FAM219A: variants seen among roughly 807,000 people sequenced by gnomAD.
The protein encoded by FAM219A is family with sequence similarity 219 member A.
Under a neutral mutation model 23.4 loss-of-function variants are expected in FAM219A, and 7 were observed. That is an observed-to-expected ratio of 0.30 (90% CI 0.17 to 0.56). The LOEUF is 0.56. Ranked by LOEUF, FAM219A falls within the 20% of genes least tolerant of loss-of-function variation. The probability of loss-of-function intolerance (pLI) is 0.92; values close to 1 mark genes in which losing one functional copy is unlikely to be tolerated. For missense variants in FAM219A, 166 were observed against 246.9 expected (o/e 0.67, Z 2.20); for synonymous variants, 93 against 99.0 (o/e 0.94, Z 0.36).
chr9:34,411,920 T>C (rs1173045361), intron 1 of FAM219A, among the ~76,000 whole-genome samples: 1 of 152,262 alleles, frequency 6.6e-6, no homozygotes, highest in African/African-American at 2.4e-5. Flanking sequence ...AAAACTAGCA[T>C]AGTACATTCA....
chr9:34,455,940 C>A (rs891677432), intron 1 of FAM219A, among the ~76,000 whole-genome samples: 1 of 152,212 alleles, frequency 6.6e-6, no homozygotes, highest in Non-Finnish European at 1.5e-5. Flanking sequence ...CTCTTGTAAT[C>A]CTAGCATTTT....
intron 1 of FAM219A, among the ~76,000 whole-genome samples, chr9:34,443,243 G>A (rs1341205226): frequency 2.6e-5 from 4 of 152,088 alleles, no homozygotes; most frequent in South Asian, 2.1e-4. Context: ...TTCGGGAACC[G>A]AAACAGCAGT....
intron 1 of FAM219A, chr9:34,406,348 T>G (rs1235359002): frequency 2.0e-6 from 2 of 985,318 alleles, no homozygotes; most frequent in Middle Eastern, 5.2e-4. Flanking sequence ...CTTCCTAGGT[T>G]CCTGTGAGTT....
chr9:34,442,774 A>C (rs1258469953), intron 1 of FAM219A, among the ~76,000 whole-genome samples: 1 of 152,116 alleles, frequency 6.6e-6, no homozygotes, highest in Non-Finnish European at 1.5e-5. Flanking sequence ...TAAGATGTTA[A>C]GGAATTAAAG....
At position 34,400,395 on chromosome 9, in the gene FAM219A, AC is replaced by A. The variant is rs1193948183; in HGVS notation, c.*568del. On this transcript the variant is annotated 3_prime_UTR_variant, in exon 6 of 6. Transcript: ENST00000651358. ...AGTGATCCGATGGGTGAGGGGCACT[AC>A]CCGGTTGGGCAGCTTTGCCAGGCTT... 1 of 152,402 alleles carries A rather than the reference AC, an allele frequency of 6.6e-6. No individual in the cohort carries two copies. The highest frequency in any genetic ancestry group is 2.4e-5 in the African/African-American group (1 of 41,430). 9.4% of individuals were successfully genotyped at this position (152,402 alleles called of 1,614,324 possible). A position where few individuals can be genotyped will look rare whatever the true frequency, so the allele number is the denominator to read the frequency against.
intron 1 of FAM219A, among the ~76,000 whole-genome samples, chr9:34,409,051 G>A (rs1180370492): frequency 3.9e-5 from 6 of 152,224 alleles, no homozygotes; most frequent in Admixed American, 6.5e-5. Context: ...CTACTGGGCA[G>A]TTCCTGATGG....
chr9:34,446,210 G>T (rs1275296587), intron 1 of FAM219A, among the ~76,000 whole-genome samples: 1 of 150,490 alleles, frequency 6.6e-6, no homozygotes, highest in Admixed American at 6.6e-5. Flanking sequence ...GGGAATTAAA[G>T]ATAGGGATAA....
At chr9:34,433,865 C>T (rs986043589) in intron 1 of FAM219A, among the ~76,000 whole-genome samples, 22 of 152,086 alleles carry the variant, frequency 1.4e-4, no homozygotes, top group Admixed American at 2.6e-4. Flanking sequence ...AATAAGCCTC[C>T]GACTCTCCTC....
At chr9:34,445,195 T>C (rs986096051) in intron 1 of FAM219A, among the ~76,000 whole-genome samples, 1 of 152,140 alleles carries the variant, frequency 6.6e-6, no homozygotes, top group Non-Finnish European at 1.5e-5. Flanking sequence ...TACTCATCTT[T>C]AAAGGAGCCA....
chr9:34,451,548 GA>G (rs1554680859), intron 1 of FAM219A, among the ~76,000 whole-genome samples: 3 of 148,632 alleles, frequency 2.0e-5, no homozygotes, highest in Non-Finnish European at 4.5e-5. Flanking sequence ...TTCCAGACAC[GA>G]GGCTCCACCT....
intron 1 of FAM219A, among the ~76,000 whole-genome samples, chr9:34,434,201 CAAAAAAAAAAAA>C (rs56144317): frequency 8.9e-5 from 4 of 44,980 alleles, no homozygotes; most frequent in Admixed American, 2.7e-4. Flanking sequence ...GACTCCGTCT[CAAAAAAAAAAAA>C]AAAAAAAAAA....
intron 1 of FAM219A, among the ~76,000 whole-genome samples, chr9:34,441,838 T>TG (rs1823186198): frequency 6.6e-6 from 1 of 152,164 alleles, no homozygotes; most frequent in Non-Finnish European, 1.5e-5. Context: ...CAAGCAATCC[T>TG]CCTGCCTGCC....
Position 34,458,144 on chromosome 9 carries a change from T to G in FAM219A, c.60+60A>C. ...GCACGATCCCCCCGGCCTGATTCCC[T>G]CCCTCCCCCTCAAGCGACGCCCCCT... is the stretch of plus-strand genomic sequence containing the variant. On this transcript the variant is annotated intron_variant, in intron 1 of 5. Transcript: ENST00000651358. This position sits in a 1 kb window ranked among gnomAD's most constrained non-coding sequence, Gnocchi z 6.6. 77 of 1,272,110 alleles carry G rather than the reference T, an allele frequency of 6.1e-5. No individual in the cohort carries two copies. The highest frequency in any genetic ancestry group is 7.6e-5 in the Non-Finnish European group (71 of 932,404). 78.8% of individuals were successfully genotyped at this position (1,272,110 alleles called of 1,614,324 possible).
chr9:34,413,803 T>TC (rs1337525544), intron 1 of FAM219A, among the ~76,000 whole-genome samples: 1 of 152,074 alleles, frequency 6.6e-6, no homozygotes, highest in East Asian at 1.9e-4. Flanking sequence ...AAAGCAGAAA[T>TC]CAGGGCCAGG....
intron 1 of FAM219A, among the ~76,000 whole-genome samples, chr9:34,455,992 A>G (rs765256387): frequency 2.0e-5 from 3 of 152,200 alleles, no homozygotes; most frequent in Non-Finnish European, 4.4e-5. Flanking sequence ...CAGGCATTCA[A>G]GACCAGCCTG....
chr9:34,415,667 G>A (rs1821974658), intron 1 of FAM219A, among the ~76,000 whole-genome samples: 2 of 152,184 alleles, frequency 1.3e-5, no homozygotes, highest in South Asian at 2.1e-4. Context: ...CATGGTCATA[G>A]GAGTGAGCCT....
rs977280077 is a variant in FAM219A, at chr9:34,434,062, T to C, written c.60+24142A>G. ...CTAAAAATACAAAAAATTAGCTGGG[T>C]GTGGTGGCGGGCGTCTGTAGTCCCA... is the stretch of plus-strand genomic sequence containing the variant. On this transcript the variant is annotated intron_variant, in intron 1 of 5. Coordinates refer to ENST00000651358, the MANE Select transcript of FAM219A (RefSeq NM_001184940.2). 6.6e-5 allele frequency among the ~76,000 whole-genome samples: 10 copies of C among 151,424 alleles called. No homozygotes were observed. The South Asian group carries it at 1.7e-3, about 25-fold the overall frequency.
intron 1 of FAM219A, among the ~76,000 whole-genome samples, chr9:34,416,127 G>C (rs1428603702): frequency 6.6e-6 from 1 of 151,362 alleles, no homozygotes; most frequent in East Asian, 1.9e-4. Context: ...AGTGAGCTAT[G>C]ATTGTGCCAC....
At chr9:34,454,875 T>C (rs1407555579) in intron 1 of FAM219A, among the ~76,000 whole-genome samples, 2 of 152,128 alleles carry the variant, frequency 1.3e-5, no homozygotes, top group East Asian at 3.8e-4. Context: ...CCCATCACTA[T>C]GGGATGGGGA....
Sources: gnomAD v4.1 joint callset for allele counts (sites outside exome capture counted in the v4.1 genomes callset) on GRCh38, gnomAD v4.1.1 for gene constraint, Gnocchi (gnomAD v3.1) non-coding constraint, MANE v1.5 for transcripts, NCBI Gene and HGNC (gene_info 2026-07-23, HGNC 2026-07-21) for gene names.